The following GLI2 variants were observed in gnomAD, a reference collection of about 807,000 sequenced individuals.
GLI2 encodes the protein GLI family zinc finger 2.
Under a neutral mutation model 78.9 loss-of-function variants are expected in GLI2, and 22 were observed. The ratio of observed to expected loss-of-function variants is 0.28; its 90% CI spans 0.20 to 0.40. GLI2 has a LOEUF of 0.40. Ranked by LOEUF, GLI2 falls within the 10% of genes least tolerant of loss-of-function variation. The probability of loss-of-function intolerance (pLI) is 1.00; values close to 1 mark genes in which losing one functional copy is unlikely to be tolerated. For synonymous variants in GLI2, 974 were observed against 963.7 expected (o/e 1.01, Z -0.20); for missense variants, 2,097 against 2,213.2 (o/e 0.95, Z 1.05).
intron 2 of GLI2, among the ~76,000 whole-genome samples, chr2:120,883,347 C>G (rs962443569): frequency 2.0e-4 from 31 of 152,058 alleles, no homozygotes; most frequent in South Asian, 2.1e-4. Context: ...ATTAGCCGAG[C>G]ATGGTGGCAC....
At chr2:120,935,799 A>G (rs1680169299) in intron 3 of GLI2, among the ~76,000 whole-genome samples, 1 of 152,214 alleles carries the variant, frequency 6.6e-6, no homozygotes. Flanking sequence ...TGGGACAGAC[A>G]GCTCATTTAT....
intron 1 of GLI2, among the ~76,000 whole-genome samples, chr2:120,745,720 A>G (rs1472741562): frequency 6.6e-6 from 1 of 152,216 alleles, no homozygotes; most frequent in African/African-American, 2.4e-5. Context: ...CAGGACTTCA[A>G]GAGTGCATGG....
intron 2 of GLI2, chr2:120,866,274 C>G (rs1343426625): frequency 6.6e-6 from 1 of 152,428 alleles, no homozygotes; most frequent in African/African-American, 2.4e-5. Flanking sequence ...ACGAGGAGAG[C>G]TACGGGACAG....
intron 2 of GLI2, among the ~76,000 whole-genome samples, chr2:120,842,690 T>C (rs141627350): frequency 1.1e-3 from 160 of 152,330 alleles, no homozygotes; most frequent in African/African-American, 3.8e-3. Flanking sequence ...CCTCTGAGCT[T>C]CCTAAGGGCT....
chr2:120,915,636 A>G (rs1460387841), intron 2 of GLI2, among the ~76,000 whole-genome samples: 4 of 152,042 alleles, frequency 2.6e-5, no homozygotes, highest in African/African-American at 9.7e-5. Context: ...CTTCGTCCTC[A>G]TTTGCGAACG....
intron 2 of GLI2, among the ~76,000 whole-genome samples, chr2:120,849,656 A>G (rs1301618941): frequency 1.3e-5 from 2 of 152,240 alleles, no homozygotes; most frequent in African/African-American, 4.8e-5. Flanking sequence ...CAGAACTTCT[A>G]ACCAAGTTTC....
At chr2:120,827,369 A>C (rs1012130403) in intron 2 of GLI2, among the ~76,000 whole-genome samples, 1 of 152,216 alleles carries the variant, frequency 6.6e-6, no homozygotes, top group Non-Finnish European at 1.5e-5. Flanking sequence ...CTATTAAGAA[A>C]AACACTCAGA....
chr2:120,781,071 A>G (rs180846318), intron 1 of GLI2, among the ~76,000 whole-genome samples: 1 of 151,784 alleles, frequency 6.6e-6, no homozygotes, highest in Non-Finnish European at 1.5e-5. Context: ...CCTTTCTTTC[A>G]CCTTGCTCCA....
intron 2 of GLI2, among the ~76,000 whole-genome samples, chr2:120,854,840 A>G (rs62150742): frequency 0.019 from 2,942 of 152,294 alleles, 58 homozygotes; most frequent in Non-Finnish European, 0.032. Context: ...ATGGGGCTTG[A>G]AAGTTTGCAT....
intron 2 of GLI2, among the ~76,000 whole-genome samples, chr2:120,830,789 C>T (rs1197037026): frequency 6.6e-6 from 1 of 152,174 alleles, no homozygotes; most frequent in Non-Finnish European, 1.5e-5. Flanking sequence ...GGGTGACTCT[C>T]TCTGCCTCCT....
At chr2:120,905,186 AG>A (rs894445492) in intron 2 of GLI2, among the ~76,000 whole-genome samples, 8 of 151,806 alleles carry the variant, frequency 5.3e-5, no homozygotes, top group African/African-American at 1.9e-4. Flanking sequence ...GGGCTGTAAA[AG>A]GGGGCTCTCA....
intron 2 of GLI2, among the ~76,000 whole-genome samples, chr2:120,836,285 C>A (rs1686607216): frequency 6.6e-6 from 1 of 152,182 alleles, no homozygotes; most frequent in Non-Finnish European, 1.5e-5. Flanking sequence ...AATGCCCATA[C>A]AGGGTGGGTT....
At chr2:120,947,497 G>A (rs574848821) in intron 3 of GLI2, among the ~76,000 whole-genome samples, 11 of 152,296 alleles carry the variant, frequency 7.2e-5, no homozygotes, top group South Asian at 4.2e-4. Flanking sequence ...GAGACATCTC[G>A]GAAGGCTTCC....
At chr2:120,862,534 C>T (rs946398830) in intron 2 of GLI2, among the ~76,000 whole-genome samples, 1 of 152,178 alleles carries the variant, frequency 6.6e-6, no homozygotes, top group East Asian at 1.9e-4. Flanking sequence ...TCTCTGTCTT[C>T]TGTGGGGTGG....
At chr2:120,910,186 A>G (rs1239904435) in intron 2 of GLI2, among the ~76,000 whole-genome samples, 2 of 151,582 alleles carry the variant, frequency 1.3e-5, no homozygotes, top group East Asian at 3.9e-4. Flanking sequence ...GCCTATGTCC[A>G]TCCCACAACT....
chr2:120,984,619 A>G lies in GLI2; in HGVS notation c.1781A>G (p.Lys594Arg), dbSNP rs769812935. Reference sequence around the variant, plus strand: ...GTGCACCTCCGCACACCGCTGCTCAAAGAGAATGGGGACAGTGAGGCCGGC... The same window carrying G: ...GTGCACCTCCGCACACCGCTGCTCAGAGAGAATGGGGACAGTGAGGCCGGC... ...NDVHLRTPLL[K>R]ENGDSEAGTE... Residue 594 changes from lysine (K) to arginine (R), a missense_variant, in exon 12 of 14, where the codon AAA (lysine) becomes AGA (arginine). Physicochemically the swap from Lys to Arg is conservative, Grantham distance 26. Coordinates refer to ENST00000361492, the MANE Select transcript of GLI2 (RefSeq NM_001374353.1). 18 of 1,614,198 alleles carry G rather than the reference A, an allele frequency of 1.1e-5. No homozygotes were observed. In the Admixed American group the frequency reaches 3.0e-4, roughly 27 times the overall value.
At chr2:120,749,386 A>C (rs1573339257) in intron 1 of GLI2, among the ~76,000 whole-genome samples, 1 of 152,210 alleles carries the variant, frequency 6.6e-6, no homozygotes, top group African/African-American at 2.4e-5. Context: ...TTAAAAAAAA[A>C]ATCTAAGCAT....
At chr2:120,782,244 AG>A (rs1683870529) in intron 1 of GLI2, among the ~76,000 whole-genome samples, 1 of 152,276 alleles carries the variant, frequency 6.6e-6, no homozygotes, top group East Asian at 1.9e-4. Context: ...TACCTGTGAC[AG>A]TGTCATTGAG....
At position 120,988,295 on chromosome 2, in the gene GLI2, G is replaced by T. The variant is rs746880019; in HGVS notation, c.2330G>T (p.Ser777Ile). 7 of 1,565,370 alleles carry T rather than the reference G, an allele frequency of 4.5e-6. No homozygotes were observed. The South Asian group carries it at 8.1e-5, about 18-fold the overall frequency. ...PNPRLSELSA[S>I]EVTMLSQLQE... ...CCGCGGCTGTCGGAGCTGTCCGCGA[G>T]CGAGGTGACCATGCTGAGCCAGCTG... is the stretch of plus-strand genomic sequence containing the variant. Residue 777 changes from serine to isoleucine, a missense_variant, in exon 14 of 14, where the codon AGC becomes ATC. This residue lies in a region of GLI2 where 1,290 missense variants were observed against 1,261.7 expected (regional missense o/e 1.02). Transcript: ENST00000361492.
Sources: allele counts gnomAD v4.1 joint callset (sites outside exome capture counted in the v4.1 genomes callset), GRCh38; gene constraint gnomAD v4.1.1; regional missense constraint gnomAD v4.1.1; transcripts MANE v1.5; gene names NCBI Gene and HGNC (gene_info 2026-07-23, HGNC 2026-07-21).